The following TGFBRAP1 variants were observed in gnomAD, a reference collection of about 807,000 sequenced individuals.
TGFBRAP1 encodes the protein transforming growth factor beta receptor associated protein 1.
In TGFBRAP1, 20 loss-of-function variants were observed where a neutral mutation model predicts 83.2. The observed-to-expected ratio is 0.24, with a 90% CI of 0.17 to 0.35. The LOEUF is 0.35. TGFBRAP1 is among the 10% of genes least tolerant of loss of function. TGFBRAP1 has a pLI of 1.00. For missense variants in TGFBRAP1, 950 were observed against 1,099.4 expected, an observed-to-expected ratio of 0.86 and a Z score of 1.92; for synonymous variants, 415 against 459.8, an observed-to-expected ratio of 0.90 and a Z score of 1.25.
At chr2:105,300,916 C>A (rs1053478704) in intron 2 of TGFBRAP1, among the ~76,000 whole-genome samples, 2 of 152,084 alleles carry the variant, frequency 1.3e-5, no homozygotes, top group African/African-American at 4.8e-5. Context: ...GATAACTGGA[C>A]AGCTATATAA....
intron 6 of TGFBRAP1, among the ~76,000 whole-genome samples, chr2:105,278,689 A>G (rs966924273): frequency 1.3e-5 from 2 of 152,158 alleles, no homozygotes; most frequent in African/African-American, 4.8e-5. Flanking sequence ...CCTCCTTCCC[A>G]GCAGGAAACT....
At chr2:105,272,798 C>T in intron 10 of TGFBRAP1, 57 bp downstream of exon 10, 1 of 1,596,636 alleles carries the variant, frequency 6.3e-7, no homozygotes, top group Non-Finnish European at 8.5e-7. Context: ...TCTGCTTCCT[C>T]CCACCCGCTT....
At chr2:105,292,240 A>T (rs969572419) in intron 4 of TGFBRAP1, among the ~76,000 whole-genome samples, 1 of 152,244 alleles carries the variant, frequency 6.6e-6, no homozygotes, top group African/African-American at 2.4e-5. Context: ...GGAAGGCTCG[A>T]TGCTCTGAAA....
chr2:105,263,404 G>C (rs547234003), downstream of TGFBRAP1, among the ~76,000 whole-genome samples: 1 of 152,316 alleles, frequency 6.6e-6, no homozygotes, highest in South Asian at 2.1e-4. Context: ...GCCCCAGGTG[G>C]GAGGACCTGC....
chr2:105,308,565 C>A (rs867467098), intron 1 of TGFBRAP1, among the ~76,000 whole-genome samples: 45 of 152,216 alleles, frequency 3.0e-4, no homozygotes, highest in South Asian at 6.2e-4. Flanking sequence ...TGCTTGTGAT[C>A]ACGTGCCATC....
intron 7 of TGFBRAP1, among the ~76,000 whole-genome samples, chr2:105,277,130 C>T (rs1272946812): frequency 6.6e-6 from 1 of 152,168 alleles, no homozygotes; most frequent in Non-Finnish European, 1.5e-5. Context: ...GCCAATGGAG[C>T]GCGGTTCAGA....
intron 10 of TGFBRAP1, among the ~76,000 whole-genome samples, chr2:105,272,533 C>T (rs1309467457): frequency 6.6e-6 from 1 of 152,172 alleles, no homozygotes; most frequent in Non-Finnish European, 1.5e-5. Context: ...TCTCTAGAGG[C>T]ACGAGAAGCC....
In TGFBRAP1 at chr2:105,284,718, G is replaced by A. The variant is rs148619827; in HGVS notation, c.1039-320C>T. Reference sequence around the variant, plus strand: ...TGGTGTTTCTGGCAGTCCAGGAACCGCCTGGCCTTCTTCCACTCTTCTGGA... The same window carrying A: ...TGGTGTTTCTGGCAGTCCAGGAACCACCTGGCCTTCTTCCACTCTTCTGGA... On this transcript the variant is annotated intron_variant, in intron 4 of 11. Transcript: ENST00000393359. Among the ~76,000 whole-genome samples, 1,508 of 152,176 alleles carry A rather than the reference G, an allele frequency of 9.9e-3. 10 individuals are homozygous for A. The highest frequency in any genetic ancestry group is 0.014 in the Admixed American group (216 of 15,278).
intron 1 of TGFBRAP1, among the ~76,000 whole-genome samples, chr2:105,309,889 C>T (rs1255251705): frequency 6.6e-6 from 1 of 152,054 alleles, no homozygotes; most frequent in Non-Finnish European, 1.5e-5. Context: ...CATTAGTGCC[C>T]TTATTAAAGA....
chr2:105,298,822 T>A, intron 2 of TGFBRAP1, 117 bp from the exon 3 acceptor site: 1 of 930,628 alleles, frequency 1.1e-6, no homozygotes, highest in Non-Finnish European at 1.5e-6. Context: ...TGTACAGTCT[T>A]ATATTTCAAG....
downstream of TGFBRAP1, among the ~76,000 whole-genome samples, chr2:105,262,706 C>T (rs372730526): frequency 5.3e-5 from 8 of 152,150 alleles, no homozygotes; most frequent in East Asian, 1.9e-4. Context: ...GAGTTGCGTG[C>T]GTTGCTTTCC....
downstream of TGFBRAP1, among the ~76,000 whole-genome samples, chr2:105,263,459 G>T (rs1676835573): frequency 6.6e-6 from 1 of 152,208 alleles, no homozygotes; most frequent in Non-Finnish European, 1.5e-5. Context: ...CCAACTCCAA[G>T]AAAACACGCT....
At chr2:105,255,909 C>T in the TGFBRAP1 span, among the ~76,000 whole-genome samples, 194 of 152,262 alleles carry the variant, frequency 1.3e-3, no homozygotes, top group Middle Eastern at 3.4e-3. Context: ...TGGTGCCTCT[C>T]CATGTGGCCC....
intron 7 of TGFBRAP1, among the ~76,000 whole-genome samples, chr2:105,277,127 G>A (rs1046374317): frequency 2.3e-4 from 35 of 152,296 alleles, no homozygotes; most frequent in African/African-American, 7.5e-4. Flanking sequence ...CAGGCCAATG[G>A]AGCGCGGTTC....
intron 9 of TGFBRAP1, 93 bp from the exon 10 acceptor site, chr2:105,273,107 G>T (rs2104317052): frequency 6.7e-7 from 1 of 1,496,694 alleles, no homozygotes. Flanking sequence ...GGAGACCGCG[G>T]CTGCACTGAC....
chr2:105,324,825 G>A (rs1300794724), intron 1 of TGFBRAP1, among the ~76,000 whole-genome samples: 1 of 152,168 alleles, frequency 6.6e-6, no homozygotes, highest in African/African-American at 2.4e-5. Context: ...CAGCCCCTCA[G>A]TAATAAGGAT....
intron 1 of TGFBRAP1, among the ~76,000 whole-genome samples, chr2:105,314,310 T>G (rs2576757): frequency 0.55 from 79,872 of 146,262 alleles, 22,534 homozygotes; most frequent in East Asian, 0.73. Flanking sequence ...GAGTGCAGTG[T>G]TGTGATCTCG....
chr2:105,312,835 G>C (rs1339777367), intron 1 of TGFBRAP1, among the ~76,000 whole-genome samples: 1 of 152,050 alleles, frequency 6.6e-6, no homozygotes, highest in East Asian at 1.9e-4. Flanking sequence ...CTTTTGGCCG[G>C]GCATGGTGGC....
intron 4 of TGFBRAP1, among the ~76,000 whole-genome samples, chr2:105,295,497 G>A (rs1184655222): frequency 6.6e-6 from 1 of 152,108 alleles, no homozygotes; most frequent in East Asian, 1.9e-4. Flanking sequence ...TATTTAAAAT[G>A]AGTGTTTCTT....
Sources: allele counts gnomAD v4.1 joint callset (sites outside exome capture counted in the v4.1 genomes callset), GRCh38; gene constraint gnomAD v4.1.1; transcripts MANE v1.5; gene names NCBI Gene and HGNC (gene_info 2026-07-23, HGNC 2026-07-21).